The following POU2F1 variants were observed in gnomAD, a reference collection of about 807,000 sequenced individuals.
The protein encoded by POU2F1 is POU class 2 homeobox 1, also known as POU domain, class 2, transcription factor 1.
A neutral mutation model predicts 84.9 loss-of-function variants in POU2F1; 16 were observed. The ratio of observed to expected loss-of-function variants is 0.19; its 90% CI spans 0.13 to 0.29. The LOEUF is 0.29. Ranked by LOEUF, POU2F1 falls within the 10% of genes least tolerant of loss-of-function variation. The pLI is 1.00. For synonymous variants in POU2F1, 368 were observed against 368.3 expected, an observed-to-expected ratio of 1.00 and a Z score of 0.01; for missense variants, 738 against 942.6, an observed-to-expected ratio of 0.78 and a Z score of 2.84.
At chr1:167,378,551 C>T (rs1013916202) in intron 7 of POU2F1, among the ~76,000 whole-genome samples, 24 of 151,738 alleles carry the variant, frequency 1.6e-4, no homozygotes, top group South Asian at 6.3e-4. Flanking sequence ...GGATTATAGG[C>T]GCCCGCCACT....
intron 6 of POU2F1, among the ~76,000 whole-genome samples, chr1:167,374,560 G>A (rs1303086747): frequency 6.6e-6 from 1 of 152,126 alleles, no homozygotes; most frequent in Non-Finnish European, 1.5e-5. Context: ...TAATTAGCTG[G>A]CATATTTTTG....
chr1:167,376,128 A>G lies in POU2F1; in HGVS notation c.691A>G (p.Ile231Val). Residue 231 changes from isoleucine to valine, a missense_variant, in exon 7 of 16, where the codon ATC (isoleucine) becomes GTC (valine). By Grantham distance (29) the Ile-to-Val change is conservative. Transcript: ENST00000367866. Reference sequence around the variant, plus strand: ...CAATTTGCAGCCAGCGCAGTTTATCATCTCACAGACGCCCCAGGGCCAGCA... The same window carrying G: ...CAATTTGCAGCCAGCGCAGTTTATCGTCTCACAGACGCCCCAGGGCCAGCA... ...TTNLQPAQFI[I>V]SQTPQGQQGL... 6.2e-7 allele frequency: 1 copy of G among 1,614,222 alleles called. No individual in the cohort carries two copies.
intron 1 of POU2F1, among the ~76,000 whole-genome samples, chr1:167,312,261 G>T (rs1228344833): frequency 2.0e-5 from 3 of 149,218 alleles, no homozygotes; most frequent in Admixed American, 1.3e-4. Flanking sequence ...GTGAGACAGA[G>T]TCTTGCTCTG....
At chr1:167,235,464 A>T (rs1649380287) in intron 1 of POU2F1, among the ~76,000 whole-genome samples, 1 of 152,214 alleles carries the variant, frequency 6.6e-6, no homozygotes, top group African/African-American at 2.4e-5. Flanking sequence ...TCAGGCGATT[A>T]GACTATAGGG....
At chr1:167,346,854 C>A (rs1384982229) in intron 2 of POU2F1, among the ~76,000 whole-genome samples, 1 of 152,310 alleles carries the variant, frequency 6.6e-6, no homozygotes, top group East Asian at 1.9e-4. Flanking sequence ...GGCTTAGAAT[C>A]TTTCTGTGGT....
intron 2 of POU2F1, among the ~76,000 whole-genome samples, chr1:167,347,481 A>G (rs1168323121): frequency 2.0e-5 from 3 of 152,206 alleles, no homozygotes; most frequent in African/African-American, 7.2e-5. Flanking sequence ...TAGAGCAGAA[A>G]CTGTCAGATT....
chr1:167,398,926 A>G (rs1470133084), intron 11 of POU2F1, among the ~76,000 whole-genome samples: 1 of 152,198 alleles, frequency 6.6e-6, no homozygotes, highest in Non-Finnish European at 1.5e-5. Flanking sequence ...GTATTTTGTT[A>G]ATTTCATTCA....
intron 2 of POU2F1, among the ~76,000 whole-genome samples, chr1:167,359,808 C>G (rs1659228936): frequency 7.0e-6 from 1 of 143,602 alleles, no homozygotes; most frequent in South Asian, 2.2e-4. Context: ...ACAGTGTGTA[C>G]GTGGTTTTTT....
At chr1:167,250,682 A>G (rs1364033395) in intron 1 of POU2F1, among the ~76,000 whole-genome samples, 1 of 152,234 alleles carries the variant, frequency 6.6e-6, no homozygotes, top group Non-Finnish European at 1.5e-5. Flanking sequence ...TCTTATCAAC[A>G]AAGTGGATCA....
chr1:167,365,681 G>A, intron 3 of POU2F1, 114 bp downstream of exon 3: 2 of 694,848 alleles, frequency 2.9e-6, no homozygotes, highest in Non-Finnish European at 4.5e-6. Flanking sequence ...AAAGCCTAGT[G>A]CTAATTGTGT....
At chr1:167,221,087 C>G (rs896190457) in intron 1 of POU2F1, 129 bp downstream of exon 1, 1 of 882,594 alleles carries the variant, frequency 1.1e-6, no homozygotes, top group Non-Finnish European at 1.7e-6. Context: ...GATGGGGGGC[C>G]GGGGAGCATT....
At position 167,377,807 on chromosome 1, in the gene POU2F1, C is replaced by T. The variant is rs146700236; in HGVS notation, c.718+1652C>T. On this transcript the variant is annotated intron_variant, in intron 7 of 15. Coordinates refer to ENST00000367866, the MANE Select transcript of POU2F1 (RefSeq NM_002697.4). The stretch of plus-strand genomic sequence containing the variant: ...TACCTGATAGGTAGTTTTTTCGATT[C>T]TCATCCTCCTCCCACCCTCTACCCT... Among the ~76,000 whole-genome samples, 224 of 152,174 alleles carry T rather than the reference C, an allele frequency of 1.5e-3. 4 individuals are homozygous for T. The East Asian group carries it at 0.042, about 28-fold the overall frequency.
chr1:167,396,179 C>T (rs1458201181), intron 9 of POU2F1, 107 bp from the exon 10 acceptor site: 1 of 1,300,874 alleles, frequency 7.7e-7, no homozygotes, highest in Non-Finnish European at 1.1e-6. Context: ...TTACTGACTC[C>T]TTGTCTAAAG....
chr1:167,383,555 A>G (rs984918742), intron 7 of POU2F1: 5 of 183,156 alleles, frequency 2.7e-5, no homozygotes, highest in Admixed American at 2.3e-4. Flanking sequence ...AGCTGTTTCT[A>G]TTTAGAATAG....
intron 1 of POU2F1, among the ~76,000 whole-genome samples, chr1:167,263,107 GTT>G (rs1231245900): frequency 1.3e-5 from 2 of 152,028 alleles, no homozygotes; most frequent in African/African-American, 4.8e-5. Flanking sequence ...ACACTTTTTT[GTT>G]TTCTTTATAA....
At chr1:167,364,128 G>C (rs1468496830) in intron 2 of POU2F1, among the ~76,000 whole-genome samples, 1 of 152,126 alleles carries the variant, frequency 6.6e-6, no homozygotes, top group Non-Finnish European at 1.5e-5. Flanking sequence ...ATAATAACTG[G>C]ATATAGTAAT....
intron 1 of POU2F1, among the ~76,000 whole-genome samples, chr1:167,254,243 A>AATAC (rs1220909603): frequency 1.3e-5 from 2 of 152,230 alleles, no homozygotes; most frequent in Non-Finnish European, 2.9e-5. Flanking sequence ...GTTATGATGG[A>AATAC]ATACATATAA....
chr1:167,413,140 T>G (rs1339778860), intron 15 of POU2F1, 26 bp downstream of exon 15: 1 of 1,554,254 alleles, frequency 6.4e-7, no homozygotes, highest in South Asian at 1.1e-5. Context: ...TTTCTTAATT[T>G]GGTGGCATGC....
At chr1:167,339,272 T>C (rs1657678838) in intron 2 of POU2F1, among the ~76,000 whole-genome samples, 1 of 152,188 alleles carries the variant, frequency 6.6e-6, no homozygotes, top group South Asian at 2.1e-4. Flanking sequence ...CTGAACTTCA[T>C]TGGATTTGCA....
Sources: gnomAD v4.1 joint callset for allele counts (sites outside exome capture counted in the v4.1 genomes callset) on GRCh38, gnomAD v4.1.1 for gene constraint, MANE v1.5 for transcripts, NCBI Gene and HGNC (gene_info 2026-07-23, HGNC 2026-07-21) for gene names.